MEMO1: variants seen among roughly 807,000 people sequenced by gnomAD.
The protein encoded by MEMO1 is protein MEMO1.
A neutral mutation model predicts 45.2 loss-of-function variants in MEMO1; 6 were observed. That is an observed-to-expected ratio of 0.13 (90% CI 0.07 to 0.26). The LOEUF (loss-of-function observed/expected upper bound fraction) is 0.26, where lower values mean the gene tolerates loss of function less well. MEMO1 is among the 10% of genes least tolerant of loss of function. The pLI, the probability that MEMO1 is intolerant of heterozygous loss-of-function variation, is 1.00. For synonymous variants in MEMO1, 78 were observed against 124.3 expected, an observed-to-expected ratio of 0.63 and a Z score of 2.48; for missense variants, 184 against 370.5, an observed-to-expected ratio of 0.50 and a Z score of 4.13.
At chr2:31,928,502 G>A (rs1683451715) in intron 4 of MEMO1, among the ~76,000 whole-genome samples, 1 of 147,350 alleles carries the variant, frequency 6.8e-6, no homozygotes, top group African/African-American at 2.5e-5. Flanking sequence ...AGCCAAGATT[G>A]CGCCACTACA....
chr2:31,918,620 T>C (rs1189621960), intron 5 of MEMO1, among the ~76,000 whole-genome samples: 1 of 152,222 alleles, frequency 6.6e-6, no homozygotes, highest in African/African-American at 2.4e-5. Flanking sequence ...GCTTGTAGGA[T>C]GGATCAAAAT....
chr2:31,929,840 A>G (rs946076494), intron 4 of MEMO1, among the ~76,000 whole-genome samples: 1 of 152,248 alleles, frequency 6.6e-6, no homozygotes, highest in African/African-American at 2.4e-5. Context: ...CACTCTAAAG[A>G]CACTATAATT....
intron 6 of MEMO1, among the ~76,000 whole-genome samples, chr2:31,906,709 A>G (rs1332524606): frequency 3.3e-5 from 5 of 152,202 alleles, no homozygotes; most frequent in Non-Finnish European, 5.9e-5. Flanking sequence ...ACAGAATAAA[A>G]TACAAGTATT....
intron 2 of MEMO1, among the ~76,000 whole-genome samples, chr2:31,982,588 CAAAAAAA>C (rs60208602): frequency 7.1e-5 from 5 of 70,102 alleles, no homozygotes; most frequent in African/African-American, 2.4e-4. Flanking sequence ...GACTCCGTCT[CAAAAAAA>C]AAAAAAAAAA....
At chr2:31,975,300 C>A (rs1445184014) in intron 2 of MEMO1, among the ~76,000 whole-genome samples, 2 of 152,162 alleles carry the variant, frequency 1.3e-5, no homozygotes, top group Non-Finnish European at 1.5e-5. Context: ...TAGGATGATA[C>A]CTAAATTATG....
intron 2 of MEMO1, 63 bp downstream of exon 2, chr2:32,010,124 G>C (rs1017013287): frequency 2.2e-6 from 2 of 892,734 alleles, no homozygotes; most frequent in Non-Finnish European, 2.7e-6. Context: ...CGCCGACCTC[G>C]GCCGGCCGGG....
intron 2 of MEMO1, among the ~76,000 whole-genome samples, chr2:31,953,514 G>C (rs1301250379): frequency 6.6e-6 from 1 of 150,892 alleles, no homozygotes; most frequent in Non-Finnish European, 1.5e-5. Flanking sequence ...GGAGTGCAGA[G>C]GCACGATCTT....
rs1572759231 is a variant in MEMO1, at chr2:31,943,310, A to G, written c.135T>C (p.Ile45=). The change falls in exon 3 of 10, where the codon ATT becomes ATC. Residue 45 remains isoleucine (I), a synonymous_variant. Coordinates refer to ENST00000404530, the MANE Select transcript of MEMO1 (RefSeq NM_001301833.4). ...VQSTKRPARA[I]IAPHAGYTYC... is the part of the protein sequence containing the mutation. Reference sequence around the variant, plus strand: ...AAACAAAAAAGACTTACGGGGCAATAATGGCTCTAGCAGGTCTTTTTGTAG... The same window carrying G: ...AAACAAAAAAGACTTACGGGGCAATGATGGCTCTAGCAGGTCTTTTTGTAG... 1 of 1,612,400 alleles carries G rather than the reference A, an allele frequency of 6.2e-7. No individual in the cohort carries two copies. The highest frequency in any genetic ancestry group is 8.5e-7 in the Non-Finnish European group (1 of 1,178,462).
At chr2:31,887,847 G>C (rs969799337) in intron 7 of MEMO1, among the ~76,000 whole-genome samples, 6 of 152,082 alleles carry the variant, frequency 3.9e-5, no homozygotes, top group African/African-American at 1.4e-4. Context: ...AATAGCAACA[G>C]CCTTATACCC....
chr2:31,994,624 T>G (rs6718407), intron 2 of MEMO1, among the ~76,000 whole-genome samples: 6 of 150,788 alleles, frequency 4.0e-5, no homozygotes, highest in Non-Finnish European at 7.4e-5. Flanking sequence ...GAGCCAGACT[T>G]TGTCTAAAAA....
At chr2:31,930,791 G>A (rs1194627475) in intron 4 of MEMO1, among the ~76,000 whole-genome samples, 6 of 150,242 alleles carry the variant, frequency 4.0e-5, no homozygotes, top group African/African-American at 9.8e-5. Flanking sequence ...GACTACAGGC[G>A]TGTGCCACCA....
At chr2:32,005,945 A>C (rs183407737) in intron 2 of MEMO1, among the ~76,000 whole-genome samples, 1 of 152,306 alleles carries the variant, frequency 6.6e-6, no homozygotes, top group East Asian at 1.9e-4. Flanking sequence ...TTAACACTTG[A>C]GTCTTCAAAA....
intron 2 of MEMO1, among the ~76,000 whole-genome samples, chr2:31,976,733 T>C (rs888421093): frequency 4.6e-5 from 7 of 152,224 alleles, no homozygotes; most frequent in Non-Finnish European, 8.8e-5. Context: ...TATAGCTTTT[T>C]TTCTTTTAGA....
intron 3 of MEMO1, among the ~76,000 whole-genome samples, chr2:31,933,907 A>G (rs1664597304): frequency 1.3e-5 from 2 of 152,188 alleles, no homozygotes; most frequent in African/African-American, 2.4e-5. Context: ...TAATTTTGAT[A>G]CTAGAGCCTT....
At chr2:31,892,450 G>T (rs1677117150) in intron 6 of MEMO1, among the ~76,000 whole-genome samples, 1 of 152,194 alleles carries the variant, frequency 6.6e-6, no homozygotes, top group African/African-American at 2.4e-5. Flanking sequence ...CCCATCAGAA[G>T]AGCACCAATT....
intron 2 of MEMO1, among the ~76,000 whole-genome samples, chr2:31,960,188 T>G (rs1323779014): frequency 4.1e-5 from 6 of 146,124 alleles, no homozygotes; most frequent in African/African-American, 1.3e-4. Context: ...TAGAGCAAGA[T>G]CCTCTCTCAA....
chr2:31,977,445 T>C (rs1047873570), intron 2 of MEMO1, among the ~76,000 whole-genome samples: 23 of 152,196 alleles, frequency 1.5e-4, no homozygotes, highest in African/African-American at 5.5e-4. Context: ...GAAAACAACA[T>C]CTTTAATTTT....
intron 2 of MEMO1, among the ~76,000 whole-genome samples, chr2:31,993,945 CTTTCTTTTTTT>C (rs991970370): frequency 4.0e-5 from 5 of 124,580 alleles, no homozygotes; most frequent in African/African-American, 1.5e-4. Flanking sequence ...ATCATCAATA[CTTTCTTTTTTT>C]TTTTTTTTTT....
At chr2:31,986,122 C>T (rs1206007598) in intron 2 of MEMO1, among the ~76,000 whole-genome samples, 3 of 152,116 alleles carry the variant, frequency 2.0e-5, no homozygotes, top group Non-Finnish European at 2.9e-5. Flanking sequence ...TGGCCAGCCG[C>T]GGTGGCTCAC....
Sources: allele counts gnomAD v4.1 joint callset (sites outside exome capture counted in the v4.1 genomes callset), GRCh38; gene constraint gnomAD v4.1.1; transcripts MANE v1.5; gene names NCBI Gene and HGNC (gene_info 2026-07-23, HGNC 2026-07-21).